The following PRR5 variants were observed in gnomAD, a reference collection of about 807,000 sequenced individuals.
The protein encoded by PRR5 is proline rich 5.
Under a neutral mutation model 30.6 loss-of-function variants are expected in PRR5, and 25 were observed. The ratio of observed to expected loss-of-function variants is 0.82; its 90% CI spans 0.60 to 1.14. PRR5 has a LOEUF of 1.14. Ranked by LOEUF, PRR5 falls within the 50% of genes most tolerant of loss-of-function variation. The pLI is 0.00. For missense variants in PRR5, 600 were observed against 547.1 expected, an observed-to-expected ratio of 1.10 and a Z score of -0.96; for synonymous variants, 286 against 247.1, an observed-to-expected ratio of 1.16 and a Z score of -1.48.
Position 44,735,088 on chromosome 22 carries a change from A to G in PRR5, c.617A>G (p.Lys206Arg). Residue 206 changes from lysine to arginine, a missense_variant, in exon 7 of 8, where the codon AAG becomes AGG. Coordinates refer to ENST00000336985, the MANE Select transcript of PRR5 (RefSeq NM_181333.4). The stretch of plus-strand genomic sequence containing the variant: ...CTGCGCCTGGAGACGCTGGTCCAGA[A>G]GGTGGTGTCGCCATACCTGGGCACC... Reference protein sequence around the residue: ...DYLRLETLVQKVVSPYLGTYG... With the variant: ...DYLRLETLVQRVVSPYLGTYG... 1 of 1,612,044 alleles carries G rather than the reference A, an allele frequency of 6.2e-7. No homozygotes were observed. Among genetic ancestry groups the G allele is most frequent in the Non-Finnish European group, 8.5e-7 (1 of 1,178,880 alleles).
At chr22:44,719,527 AG>A (rs1212113365) in intron 2 of PRR5, among the ~76,000 whole-genome samples, 2 of 152,154 alleles carry the variant, frequency 1.3e-5, no homozygotes, top group East Asian at 3.8e-4. Flanking sequence ...ACAGAATCTG[AG>A]GCCCTGGGCG....
At chr22:44,711,064 G>A (rs1928146093) in intron 1 of PRR5, among the ~76,000 whole-genome samples, 1 of 152,142 alleles carries the variant, frequency 6.6e-6, no homozygotes, top group South Asian at 2.1e-4. Flanking sequence ...GCAGGGGTGG[G>A]GAGTGTGGGT....
In PRR5 at chr22:44,737,024, CAG is replaced by C. The variant is rs1489663323; in HGVS notation, c.945_946del (p.Gly316AlafsTer14). 2 of 1,601,974 alleles carry C rather than the reference CAG, an allele frequency of 1.2e-6. No homozygotes were observed. Among genetic ancestry groups the C allele is most frequent in the Non-Finnish European group, 1.7e-6 (2 of 1,174,244 alleles). ...TTCAGGTCCTCCCCGGCGCCCCACT[CAG>C]GGCCCTGCCCCAGCAGACTGTACCC... On this transcript the variant is annotated frameshift_variant, in exon 8 of 8. Coordinates refer to ENST00000336985, the MANE Select transcript of PRR5 (RefSeq NM_181333.4). LOFTEE classifies it low-confidence loss of function (END_TRUNC).
chr22:44,690,377 G>A lies in PRR5; in HGVS notation c.-10-12115G>A, dbSNP rs576157114. The stretch of plus-strand genomic sequence containing the variant: ...GGGGGAGGGAGGAGGGCCAGGGACT[G>A]TTGGCTAAGTTGGGTAAAGGAGAGA... On this transcript the variant is annotated intron_variant, in intron 1 of 8. Coordinates refer to the PRR5 transcript ENST00000006251. Among the ~76,000 whole-genome samples, 6 of 152,262 alleles carry A rather than the reference G, an allele frequency of 3.9e-5. No homozygotes were observed. The South Asian group carries it at 1.2e-3, about 32-fold the overall frequency.
chr22:44,699,188 A>G (rs900183643), upstream of PRR5, among the ~76,000 whole-genome samples: 1 of 152,166 alleles, frequency 6.6e-6, no homozygotes, highest in African/African-American at 2.4e-5. Flanking sequence ...AGATGCCTAC[A>G]GCATTCCCAG....
chr22:44,727,875 G>A (rs533039326), intron 4 of PRR5, among the ~76,000 whole-genome samples: 11 of 152,314 alleles, frequency 7.2e-5, no homozygotes, highest in South Asian at 4.1e-4. Context: ...TCAGACCGTC[G>A]GGGAGACATG....
chr22:44,676,390 CAAAAAAAAAAAA>C (rs59016907), upstream of PRR5, among the ~76,000 whole-genome samples: 10 of 37,074 alleles, frequency 2.7e-4, no homozygotes, highest in African/African-American at 8.3e-5. Context: ...GACCCTGTCT[CAAAAAAAAAAAA>C]AAAAAAAAAA....
At chr22:44,718,217 CTG>C (rs1322590799) in intron 2 of PRR5, among the ~76,000 whole-genome samples, 1 of 46,512 alleles carries the variant, frequency 2.1e-5, no homozygotes, top group Non-Finnish European at 3.9e-5. Flanking sequence ...TTTTTTGAGA[CTG>C]AGTCTTCATC....
chr22:44,725,129 G>C (rs947283476), intron 2 of PRR5, 115 bp from the exon 3 acceptor site: 40 of 1,488,224 alleles, frequency 2.7e-5, no homozygotes, highest in Non-Finnish European at 2.4e-5. Flanking sequence ...ATGTTTTTGG[G>C]CTGGCTGAGC....
At chr22:44,716,955 A>G (rs1426145767) in intron 2 of PRR5, among the ~76,000 whole-genome samples, 2 of 151,972 alleles carry the variant, frequency 1.3e-5, no homozygotes, top group Non-Finnish European at 2.9e-5. Context: ...CCAGCTACTC[A>G]GGAGGCTGAG....
intron 1 of PRR5, among the ~76,000 whole-genome samples, chr22:44,689,453 G>A (rs1008582950): frequency 6.6e-6 from 1 of 152,206 alleles, no homozygotes; most frequent in Non-Finnish European, 1.5e-5. Flanking sequence ...ACAGCTACGA[G>A]AGTTTCTGTA....
At chr22:44,698,430 C>T (rs191962020), upstream of PRR5, among the ~76,000 whole-genome samples, 1 of 151,696 alleles carries the variant, frequency 6.6e-6, no homozygotes, top group Admixed American at 6.5e-5. Flanking sequence ...ACTCTGGTGG[C>T]TTTGGGGATG....
chr22:44,710,754 T>G (rs1024436215), intron 1 of PRR5, among the ~76,000 whole-genome samples: 13 of 152,084 alleles, frequency 8.5e-5, no homozygotes, highest in African/African-American at 2.9e-4. Context: ...TGTGCCTCTG[T>G]GTCTTCTGTA....
chr22:44,687,801 G>A lies in PRR5; in HGVS notation c.-11+10561G>A, dbSNP rs544451377. ...GTGTTTTGTTTTGTTTTGAGATGGA[G>A]TCTCACTCCGTCGCCCAGGCTGGAG... On this transcript the variant is annotated intron_variant, in intron 1 of 8. Transcript: ENST00000006251. 4.6e-5 allele frequency among the ~76,000 whole-genome samples: 7 copies of A among 152,208 alleles called. No individual in the cohort carries two copies. The South Asian group carries it at 1.5e-3, about 32-fold the overall frequency.
chr22:44,715,695 C>G (rs1405451199), intron 2 of PRR5, among the ~76,000 whole-genome samples: 2 of 152,152 alleles, frequency 1.3e-5, no homozygotes, highest in Non-Finnish European at 2.9e-5. Context: ...TGCTCTTGCC[C>G]AGGCTGGAGT....
At position 44,734,980 on chromosome 22, in the gene PRR5, C is replaced by T. The variant is rs879088515; in HGVS notation, c.556-47C>T. On this transcript the variant is annotated intron_variant, in intron 6 of 7. Transcript: ENST00000336985. ...CATATGGTTGAGAGCCTGGAGCCAC[C>T]AAGCTCGGGTGCATGACCCCCTACC... is the stretch of plus-strand genomic sequence containing the variant. The T allele has an allele frequency of 5.1e-6, 8 of 1,577,752 alleles. No homozygotes were observed. In the South Asian group the frequency reaches 6.7e-5, roughly 13 times the overall value.
At position 44,732,344 on chromosome 22, in the gene PRR5, C is replaced by G; in HGVS notation, c.508C>G (p.His170Asp). The stretch of plus-strand genomic sequence containing the variant: ...GCTAGAGGATGCGCTGGCCCGGGCC[C>G]ATGCCCGTGTGCCCCCTGCCATCGT... ...VKLEDALARA[H>D]ARVPPAIVQM... Residue 170 changes from histidine (H) to aspartate (D), a missense_variant, in exon 6 of 8, where the codon CAT becomes GAT. Physicochemically the swap from His to Asp is moderately conservative, Grantham distance 81 (BLOSUM62 -1). Coordinates refer to ENST00000336985, the MANE Select transcript of PRR5 (RefSeq NM_181333.4). 2 of 1,611,874 alleles carry G rather than the reference C, an allele frequency of 1.2e-6. No homozygotes were observed. The highest frequency in any genetic ancestry group is 1.7e-6 in the Non-Finnish European group (2 of 1,179,852).
In PRR5 at chr22:44,730,255, G is replaced by A. The variant is rs560478529; in HGVS notation, c.323-1475G>A. The A allele has an allele frequency of 4.1e-6, 4 of 985,024 alleles. No homozygotes were observed. The East Asian group carries it at 4.5e-4, about 112-fold the overall frequency. 61.0% of individuals were successfully genotyped at this position (985,024 alleles called of 1,614,324 possible). A position where few individuals can be genotyped will look rare whatever the true frequency, so the allele number is the denominator to read the frequency against. On this transcript the variant is annotated intron_variant, in intron 4 of 7. Coordinates refer to ENST00000336985, the MANE Select transcript of PRR5 (RefSeq NM_181333.4). ...GAAACCTCAAAGCAGTTCTGGCCGG[G>A]GGCGCAGCCTGAGAGACAGCCGGCA...
At chr22:44,730,626 A>G (rs1366051124) in intron 4 of PRR5, 2 of 1,009,186 alleles carry the variant, frequency 2.0e-6, no homozygotes, top group African/African-American at 3.5e-5. Flanking sequence ...ACCTGTCAAG[A>G]TGTGTCCCCA....
Sources: gnomAD v4.1 joint callset for allele counts (sites outside exome capture counted in the v4.1 genomes callset) on GRCh38, gnomAD v4.1.1 for gene constraint, MANE v1.5 for transcripts, NCBI Gene and HGNC (gene_info 2026-07-23, HGNC 2026-07-21) for gene names.